The following C8orf74 variants were observed in gnomAD, a reference collection of about 807,000 sequenced individuals.
The protein encoded by C8orf74 is chromosome 8 open reading frame 74.
Under a neutral mutation model 22.2 loss-of-function variants are expected in C8orf74, and 29 were observed. That is an observed-to-expected ratio of 1.31 (90% CI 0.97 to 1.78). C8orf74 has a LOEUF of 1.78. Among genes scored for constraint, C8orf74 ranks in the 40% most tolerant of loss-of-function variants. The pLI, the probability that C8orf74 is intolerant of heterozygous loss-of-function variation, is 0.00. For synonymous variants in C8orf74, 255 were observed against 163.1 expected (o/e 1.56, Z -4.30); for missense variants, 515 against 369.9 (o/e 1.39, Z -3.22).
Position 10,697,948 on chromosome 8 carries a change from G to A in C8orf74, c.591G>A (p.Leu197=). Residue 197 remains leucine (L), a synonymous_variant, in exon 3 of 4, where the codon CTG becomes CTA. Transcript: ENST00000304519. The stretch of plus-strand genomic sequence containing the variant: ...TGCGCCTGGAGCGGGAGAACTCGCT[G>A]CAGAAGGCGTTCGCTGCCGCCGCGC... ...EALRLERENS[L]QKAFAAAAPA... The A allele has an allele frequency of 1.9e-6, 3 of 1,567,504 alleles. No individual in the cohort carries two copies. Among genetic ancestry groups the A allele is most frequent in the Non-Finnish European group, 2.6e-6 (3 of 1,158,218 alleles).
chr8:10,693,795 C>G (rs1799433335), intron 2 of C8orf74, among the ~76,000 whole-genome samples: 1 of 152,212 alleles, frequency 6.6e-6, no homozygotes, highest in Non-Finnish European at 1.5e-5. Context: ...CCGAGGACGG[C>G]CAGGTCCTGC....
In C8orf74 at chr8:10,699,469, A is replaced by G. The variant is rs149897061; in HGVS notation, c.649-766A>G. ...TGAATACAAGATCTCAAAGAAATGC[A>G]CTACATCCAACCAGTTGCTTCCAGT... On this transcript the variant is annotated intron_variant, in intron 3 of 3. Coordinates refer to ENST00000304519, the MANE Select transcript of C8orf74 (RefSeq NM_001040032.2). Among the ~76,000 whole-genome samples the G allele has an allele frequency of 5.6e-3, 846 of 152,380 alleles. 5 individuals are homozygous for G. The highest frequency in any genetic ancestry group is 0.012 in the Admixed American group (191 of 15,304).
chr8:10,697,100 A>T (rs976309357), intron 2 of C8orf74, among the ~76,000 whole-genome samples: 3 of 152,178 alleles, frequency 2.0e-5, no homozygotes, highest in African/African-American at 7.2e-5. Flanking sequence ...AAAAAAAGAA[A>T]CGTGGTACAC....
chr8:10,684,938 G>A (rs1312126404), intron 2 of C8orf74, among the ~76,000 whole-genome samples: 2 of 152,200 alleles, frequency 1.3e-5, no homozygotes, highest in African/African-American at 4.8e-5. Flanking sequence ...AACGGAGATA[G>A]CTCCTAAGTG....
chr8:10,695,842 C>T (rs561772534), intron 2 of C8orf74, among the ~76,000 whole-genome samples: 11 of 152,270 alleles, frequency 7.2e-5, no homozygotes, highest in African/African-American at 2.4e-4. Flanking sequence ...AAGCCCGGCT[C>T]CTTGCCTACA....
chr8:10,681,833 C>T (rs555351659), intron 2 of C8orf74, among the ~76,000 whole-genome samples: 2 of 152,196 alleles, frequency 1.3e-5, no homozygotes, highest in African/African-American at 2.4e-5. Context: ...ACAGGGCAGC[C>T]GGGTGAGTGC....
At chr8:10,682,185 C>T (rs549022260) in intron 2 of C8orf74, among the ~76,000 whole-genome samples, 1 of 152,306 alleles carries the variant, frequency 6.6e-6, no homozygotes, top group East Asian at 1.9e-4. Context: ...GAACCTGACA[C>T]CCCTCAGGCG....
At chr8:10,695,950 A>G (rs1056942412) in intron 2 of C8orf74, among the ~76,000 whole-genome samples, 1 of 152,068 alleles carries the variant, frequency 6.6e-6, no homozygotes, top group African/African-American at 2.4e-5. Context: ...TCAGAGGGGG[A>G]CACTGAGTCA....
chr8:10,682,913 C>A (rs1375356943), intron 2 of C8orf74, among the ~76,000 whole-genome samples: 1 of 152,248 alleles, frequency 6.6e-6, no homozygotes, highest in African/African-American at 2.4e-5. Context: ...CCTGGCTTCG[C>A]AGGTGCCATT....
At chr8:10,698,536 C>T (rs76449827) in intron 3 of C8orf74, among the ~76,000 whole-genome samples, 1,832 of 152,158 alleles carry the variant, frequency 0.012, 40 homozygotes, top group African/African-American at 0.042. Flanking sequence ...GGATCTCAGA[C>T]TTTGGGCTGC....
At chr8:10,690,588 C>T (rs910087404) in intron 2 of C8orf74, among the ~76,000 whole-genome samples, 4 of 152,114 alleles carry the variant, frequency 2.6e-5, no homozygotes, top group African/African-American at 9.7e-5. Context: ...GATGGGGGAA[C>T]CAAACTGGTT....
At chr8:10,697,193 C>G (rs1447711068) in intron 2 of C8orf74, among the ~76,000 whole-genome samples, 6 of 152,124 alleles carry the variant, frequency 3.9e-5, no homozygotes, top group African/African-American at 1.4e-4. Context: ...AATTCCAGTA[C>G]TTTAGGAGGC....
At position 10,697,884 on chromosome 8, in the gene C8orf74, C is replaced by T; in HGVS notation, c.527C>T (p.Ala176Val). The change falls in exon 3 of 4, where the codon GCA (alanine) becomes GTA (valine). Residue 176 changes from alanine to valine, a missense_variant. Ala to Val is a moderately conservative substitution (Grantham distance 64, BLOSUM62 0). Transcript: ENST00000304519. ...QQVATLTEAE[A>V]QKRADVLLLK... ...GTGGCCACACTGACGGAGGCCGAGG[C>T]ACAGAAGCGCGCCGACGTGCTGCTC... 6.2e-7 allele frequency: 1 copy of T among 1,611,902 alleles called. No homozygotes were observed. The highest frequency in any genetic ancestry group is 2.2e-5 in the East Asian group (1 of 44,844).
intron 2 of C8orf74, among the ~76,000 whole-genome samples, chr8:10,681,229 C>G (rs1799141182): frequency 6.6e-6 from 1 of 152,022 alleles, no homozygotes; most frequent in Non-Finnish European, 1.5e-5. Context: ...AAACGCCTCT[C>G]CAGGACGTTC....
chr8:10,680,156 G>A (rs1032461629), intron 2 of C8orf74, among the ~76,000 whole-genome samples: 1 of 152,248 alleles, frequency 6.6e-6, no homozygotes, highest in Non-Finnish European at 1.5e-5. Context: ...TCTTGCCCCA[G>A]TGACGCTCCT....
intron 2 of C8orf74, chr8:10,686,662 C>T (rs1799268242): frequency 1.3e-5 from 2 of 157,728 alleles, no homozygotes; most frequent in Admixed American, 1.2e-4. Context: ...GGGAGACCGC[C>T]CTGGAATACC....
At chr8:10,677,942 G>A (rs185390116) in intron 2 of C8orf74, among the ~76,000 whole-genome samples, 5 of 152,230 alleles carry the variant, frequency 3.3e-5, no homozygotes, top group African/African-American at 9.6e-5. Flanking sequence ...TCACCCCCAC[G>A]GATACCACCT....
chr8:10,682,420 G>GA (rs923720595), intron 2 of C8orf74, among the ~76,000 whole-genome samples: 1 of 152,190 alleles, frequency 6.6e-6, no homozygotes, highest in Non-Finnish European at 1.5e-5. Flanking sequence ...CTGGAGGCTG[G>GA]AAGCCCAAGG....
intron 2 of C8orf74, among the ~76,000 whole-genome samples, chr8:10,678,911 T>C (rs1003474820): frequency 6.6e-6 from 1 of 152,220 alleles, no homozygotes; most frequent in African/African-American, 2.4e-5. Flanking sequence ...CCTGTGTTCT[T>C]ACTGCCTTGC....
Sources: allele counts gnomAD v4.1 joint callset (sites outside exome capture counted in the v4.1 genomes callset), GRCh38; gene constraint gnomAD v4.1.1; transcripts MANE v1.5; gene names NCBI Gene and HGNC (gene_info 2026-07-23, HGNC 2026-07-21).